Variants in ARFGEF1 observed in about 807,000 individuals in gnomAD.
ARFGEF1 encodes the protein ARF guanine nucleotide exchange factor 1.
In ARFGEF1, 42 loss-of-function variants were observed where a neutral mutation model predicts 231.0. The ratio of observed to expected loss-of-function variants is 0.18; its 90% confidence interval spans 0.14 to 0.24. The LOEUF (loss-of-function observed/expected upper bound fraction) is 0.24. ARFGEF1 is among the 10% of genes least tolerant of loss of function. ARFGEF1 has a pLI of 1.00. For synonymous variants in ARFGEF1, 710 were observed against 732.3 expected, an observed-to-expected ratio of 0.97 and a Z score of 0.49; for missense variants, 1,345 against 2,192.0, an observed-to-expected ratio of 0.61 and a Z score of 7.72.
intron 4 of ARFGEF1, among the ~76,000 whole-genome samples, chr8:67,296,987 A>C (rs545628729): frequency 6.6e-6 from 1 of 152,266 alleles, no homozygotes; most frequent in African/African-American, 2.4e-5. Flanking sequence ...TTTCAGCACA[A>C]AAATTAAGCA....
intron 4 of ARFGEF1, 128 bp downstream of exon 4, chr8:67,299,081 G>T: frequency 3.2e-6 from 3 of 926,762 alleles, no homozygotes; most frequent in Non-Finnish European, 3.0e-6. Context: ...ACTGAGCCCG[G>T]CCTCGAATAA....
intron 5 of ARFGEF1, among the ~76,000 whole-genome samples, chr8:67,294,268 C>T (rs1225158683): frequency 6.6e-6 from 1 of 152,030 alleles, no homozygotes; most frequent in African/African-American, 2.4e-5. Flanking sequence ...TGGAACCAAT[C>T]CCCCATGAAT....
At chr8:67,195,238 C>CCAAAA (rs1837658255), downstream of ARFGEF1, 1 of 701,904 alleles carries the variant, frequency 1.4e-6, no homozygotes, top group South Asian at 1.7e-5. Flanking sequence ...GTGAGTCTAA[C>CCAAAA]CAAAACAAAC....
At chr8:67,203,367 A>G (rs1838400272) in intron 35 of ARFGEF1, 116 bp from the exon 36 acceptor site, 1 of 1,189,914 alleles carries the variant, frequency 8.4e-7, no homozygotes, top group South Asian at 1.5e-5. Context: ...ACTCAGCTTG[A>G]TCTAACCTAA....
rs141120346 is a variant in ARFGEF1 at position 67,301,341 on chromosome 8, A to G, written c.195T>C (p.Leu65=). Residue 65 remains leucine, a synonymous_variant, in exon 3 of 39, where the codon CTT becomes CTC. Transcript: ENST00000262215. The part of the protein sequence containing the change: ...HGEAKAGSST[L]PPVKSKTNFI... ...AATTTGTCTTTGATTTCACTGGTGGAAGGGTGCTTGATCCAGCTTTTGCTT... is the reference window on the plus strand; with the variant it reads ...AATTTGTCTTTGATTTCACTGGTGGGAGGGTGCTTGATCCAGCTTTTGCTT... 3.1e-6 allele frequency: 5 copies of G among 1,614,012 alleles called. No individual in the cohort carries two copies. In the East Asian group the frequency reaches 1.1e-4, roughly 36 times the overall value.
At chr8:67,336,273 T>C (rs1808343437) in intron 1 of ARFGEF1, among the ~76,000 whole-genome samples, 1 of 152,188 alleles carries the variant, frequency 6.6e-6, no homozygotes, top group Non-Finnish European at 1.5e-5. Flanking sequence ...TCTAGATTCA[T>C]GAAACAATCA....
chr8:67,203,353 A>G, intron 35 of ARFGEF1, 102 bp from the exon 36 acceptor site: 1 of 1,329,032 alleles, frequency 7.5e-7, no homozygotes, highest in Non-Finnish European at 1.0e-6. Context: ...AGAAAGCCAC[A>G]GATACTCAGC....
At chr8:67,290,117 AG>A (rs2128908700) in intron 6 of ARFGEF1, among the ~76,000 whole-genome samples, 1 of 152,360 alleles carries the variant, frequency 6.6e-6, no homozygotes, top group South Asian at 2.1e-4. Context: ...GCTGTCAAAC[AG>A]AATTTTCATT....
chr8:67,184,733 T>TA (rs1563780112), intron 5 of ARFGEF1, among the ~76,000 whole-genome samples: 13 of 133,598 alleles, frequency 9.7e-5, no homozygotes. Context: ...AAAAAAATAA[T>TA]AATAAAAAAA....
chr8:67,180,856 C>CT (rs533699063), intron 5 of ARFGEF1, among the ~76,000 whole-genome samples: 39 of 147,190 alleles, frequency 2.6e-4, no homozygotes, highest in South Asian at 6.5e-4. Context: ...ATGGGATCTT[C>CT]TTTTTTTTTT....
At chr8:67,188,500 C>T (rs763840393) in intron 5 of ARFGEF1, among the ~76,000 whole-genome samples, 1 of 152,198 alleles carries the variant, frequency 6.6e-6, no homozygotes, top group African/African-American at 2.4e-5. Flanking sequence ...GGACAATGAT[C>T]GGGATATAAA....
intron 19 of ARFGEF1, among the ~76,000 whole-genome samples, chr8:67,250,005 C>T (rs1194028924): frequency 6.6e-6 from 1 of 152,062 alleles, no homozygotes; most frequent in Non-Finnish European, 1.5e-5. Context: ...ATATGAATGC[C>T]CTGAAGAGAA....
intron 19 of ARFGEF1, among the ~76,000 whole-genome samples, chr8:67,250,106 G>A (rs1293626819): frequency 6.6e-6 from 1 of 152,182 alleles, no homozygotes; most frequent in Non-Finnish European, 1.5e-5. Flanking sequence ...GAATTGGAGA[G>A]GCAGGTGGAG....
At chr8:67,188,774 C>T (rs1425510399) in intron 5 of ARFGEF1, among the ~76,000 whole-genome samples, 1 of 152,214 alleles carries the variant, frequency 6.6e-6, no homozygotes, top group Non-Finnish European at 1.5e-5. Context: ...TGCTCCCAAT[C>T]AGGCTAAAGG....
intron 34 of ARFGEF1, among the ~76,000 whole-genome samples, chr8:67,209,459 TG>T (rs1485504874): frequency 6.6e-6 from 1 of 152,116 alleles, no homozygotes; most frequent in Non-Finnish European, 1.5e-5. Flanking sequence ...GTTATGGGGC[TG>T]GGGGGCTCCC....
chr8:67,310,204 C>T (rs567103372), intron 1 of ARFGEF1, among the ~76,000 whole-genome samples: 2,351 of 152,262 alleles, frequency 0.015, 28 homozygotes, highest in Non-Finnish European at 0.024. Context: ...CTGCAACCTC[C>T]CTGCCTGATT....
chr8:67,257,685 C>T (rs755507183), intron 17 of ARFGEF1, 47 bp downstream of exon 17: 1 of 1,373,776 alleles, frequency 7.3e-7, no homozygotes, highest in East Asian at 2.3e-5. Flanking sequence ...GAATAATGTA[C>T]TTATTTTGTA....
At chr8:67,242,607 T>C (rs1839964839) in intron 19 of ARFGEF1, among the ~76,000 whole-genome samples, 1 of 152,164 alleles carries the variant, frequency 6.6e-6, no homozygotes, top group Non-Finnish European at 1.5e-5. Context: ...CCAGCTGTGG[T>C]GGCTATGGGG....
chr8:67,319,174 C>A (rs1271016421), intron 1 of ARFGEF1, among the ~76,000 whole-genome samples: 1 of 152,146 alleles, frequency 6.6e-6, no homozygotes, highest in Non-Finnish European at 1.5e-5. Flanking sequence ...CAGATTTAAT[C>A]CACTGCCAAT....
Sources: gnomAD v4.1 joint callset for allele counts (sites outside exome capture counted in the v4.1 genomes callset) on GRCh38, gnomAD v4.1.1 for gene constraint, MANE v1.5 for transcripts, NCBI Gene and HGNC (gene_info 2026-07-23, HGNC 2026-07-21) for gene names.